Variants in RAB27B observed in about 807,000 individuals in gnomAD.
The protein encoded by RAB27B is ras-related protein Rab-27B.
A neutral mutation model predicts 24.6 loss-of-function variants in RAB27B; 15 were observed. That is an observed-to-expected ratio of 0.61 (90% CI 0.41 to 0.94). The LOEUF (loss-of-function observed/expected upper bound fraction) is 0.94. Ranked by LOEUF, RAB27B falls within the 40% of genes least tolerant of loss-of-function variation. The pLI is 0.00. For missense variants in RAB27B, 261 were observed against 266.8 expected, an observed-to-expected ratio of 0.98 and a Z score of 0.15; for synonymous variants, 105 against 92.5, an observed-to-expected ratio of 1.14 and a Z score of -0.78.
At chr18:54,798,091 T>C (rs1909482724) in intron 2 of RAB27B, among the ~76,000 whole-genome samples, 1 of 152,188 alleles carries the variant, frequency 6.6e-6, no homozygotes, top group Non-Finnish European at 1.5e-5. Flanking sequence ...AACTGACTTC[T>C]CTTTCTTTTT....
intron 2 of RAB27B, among the ~76,000 whole-genome samples, chr18:54,741,688 A>G (rs1910076967): frequency 6.6e-6 from 1 of 151,958 alleles, no homozygotes; most frequent in Non-Finnish European, 1.5e-5. Context: ...TTTTTTGTAG[A>G]GAGAGGGTCT....
At chr18:54,850,328 A>T (rs1426614988) in intron 1 of RAB27B, among the ~76,000 whole-genome samples, 1 of 107,610 alleles carries the variant, frequency 9.3e-6, no homozygotes, top group African/African-American at 3.7e-5. Context: ...AAAGCAAACA[A>T]ACAGGATATA....
At chr18:54,719,436 G>A (rs911650418) in intron 2 of RAB27B, among the ~76,000 whole-genome samples, 2 of 151,942 alleles carry the variant, frequency 1.3e-5, no homozygotes, top group African/African-American at 4.8e-5. Flanking sequence ...ATATAGGTAT[G>A]CTACCTATAC....
At chr18:54,777,398 A>G (rs1374812938) in intron 2 of RAB27B, among the ~76,000 whole-genome samples, 2 of 152,214 alleles carry the variant, frequency 1.3e-5, no homozygotes, top group African/African-American at 4.8e-5. Context: ...CATTGACTTG[A>G]AAACTGATCC....
At chr18:54,767,634 T>G (rs1908406621) in intron 2 of RAB27B, among the ~76,000 whole-genome samples, 1 of 152,218 alleles carries the variant, frequency 6.6e-6, no homozygotes, top group Non-Finnish European at 1.5e-5. Flanking sequence ...TGATGTTGAT[T>G]ATCTTCAGTG....
At chr18:54,742,661 T>C (rs921413234) in intron 2 of RAB27B, among the ~76,000 whole-genome samples, 11 of 152,132 alleles carry the variant, frequency 7.2e-5, no homozygotes, top group African/African-American at 2.7e-4. Flanking sequence ...GAGTGGTAGG[T>C]GTAAGGCAGT....
rs1480376846 is a variant in RAB27B, at chr18:54,895,414, C to G, written c.*6001C>G. On this transcript the variant is annotated 3_prime_UTR_variant, in exon 6 of 6. Coordinates refer to ENST00000262094, the MANE Select transcript of RAB27B (RefSeq NM_004163.4). ...CTAGTGGCTTCAGAAATCATAGCAT[C>G]CAATGATTTTTTGGTGTCTGGCTAT... The G allele has an allele frequency of 6.6e-6, 1 of 152,002 alleles. No individual in the cohort carries two copies. Among genetic ancestry groups the G allele is most frequent in the Non-Finnish European group, 1.5e-5 (1 of 67,978 alleles). The allele number at this position is 152,002 out of a possible 1,614,324, so 9.4% of individuals were successfully genotyped here.
intron 1 of RAB27B, among the ~76,000 whole-genome samples, chr18:54,852,732 T>A (rs1911635728): frequency 6.6e-6 from 1 of 152,214 alleles, no homozygotes; most frequent in Admixed American, 6.5e-5. Context: ...AAGGAAGTAG[T>A]GTCTTTTGCT....
intron 1 of RAB27B, among the ~76,000 whole-genome samples, chr18:54,857,426 A>G (rs1054586871): frequency 6.6e-6 from 1 of 152,238 alleles, no homozygotes; most frequent in Non-Finnish European, 1.5e-5. Context: ...TCATCAAATT[A>G]TCAATAAAAA....
intron 2 of RAB27B, among the ~76,000 whole-genome samples, chr18:54,803,554 AG>A (rs778532385): frequency 2.0e-5 from 3 of 152,238 alleles, no homozygotes; most frequent in Non-Finnish European, 2.9e-5. Flanking sequence ...TTCTGGGTGG[AG>A]GGGGTCAAGA....
At chr18:54,830,425 C>T (rs1026807437) in intron 1 of RAB27B, among the ~76,000 whole-genome samples, 1 of 152,180 alleles carries the variant, frequency 6.6e-6, no homozygotes, top group Admixed American at 6.5e-5. Context: ...TCATATAAAA[C>T]TCATCTCACA....
chr18:54,843,086 G>A (rs1030352981), intron 1 of RAB27B, among the ~76,000 whole-genome samples: 1 of 152,238 alleles, frequency 6.6e-6, no homozygotes, highest in South Asian at 2.1e-4. Flanking sequence ...GTGAGCCACC[G>A]TGCCTGGCCA....
At chr18:54,884,151 C>A (rs1229290030) in intron 3 of RAB27B, among the ~76,000 whole-genome samples, 182 bp from the exon 4 acceptor site, 4 of 151,618 alleles carry the variant, frequency 2.6e-5, no homozygotes, top group Admixed American at 6.6e-5. Flanking sequence ...AAAAAAAAAA[C>A]TACAACCAAA....
At position 54,894,085 on chromosome 18, in the gene RAB27B, T is replaced by A. The variant is rs79903345; in HGVS notation, c.*4672T>A. ...ATAAATTAGATTTATGATATTTTCA[T>A]AAAGCACTTGATTAGTTTTTCAAGG... On this transcript the variant is annotated 3_prime_UTR_variant, in exon 6 of 6. Coordinates refer to ENST00000262094, the MANE Select transcript of RAB27B (RefSeq NM_004163.4). 6.6e-6 allele frequency: 1 copy of A among 151,970 alleles called. No individual in the cohort carries two copies. 9.4% of individuals were successfully genotyped at this position (151,970 alleles called of 1,614,324 possible).
At chr18:54,884,280 G>T (rs1913042271) in intron 3 of RAB27B, 53 bp from the exon 4 acceptor site, 5 of 1,093,242 alleles carry the variant, frequency 4.6e-6, no homozygotes, top group Non-Finnish European at 4.2e-6. Flanking sequence ...TTGTGTTGTT[G>T]TCAAAGATAT....
intron 1 of RAB27B, among the ~76,000 whole-genome samples, chr18:54,850,761 T>C (rs1022256014): frequency 1.3e-5 from 2 of 151,368 alleles, no homozygotes; most frequent in African/African-American, 2.4e-5. Flanking sequence ...CTGATATTTA[T>C]TTTATTAATT....
At chr18:54,738,159 T>G (rs1049652546) in intron 2 of RAB27B, among the ~76,000 whole-genome samples, 1 of 152,216 alleles carries the variant, frequency 6.6e-6, no homozygotes, top group Non-Finnish European at 1.5e-5. Flanking sequence ...TAATCTTGTC[T>G]TTCTGCATAT....
chr18:54,894,599 C>A lies in RAB27B; in HGVS notation c.*5186C>A, dbSNP rs1305764746. The A allele has an allele frequency of 6.6e-6, 1 of 152,036 alleles. No homozygotes were observed. The allele number at this position is 152,036 out of a possible 1,614,324, so 9.4% of individuals were successfully genotyped here. The stretch of plus-strand genomic sequence containing the variant: ...TAGAAAGGAAAGTGGCCAGAAAGAA[C>A]AACTTGGGACCATGAGTAGGTCATT... On this transcript the variant is annotated 3_prime_UTR_variant, in exon 6 of 6. Transcript: ENST00000262094.
Position 54,784,194 on chromosome 18 carries a change from G to A in RAB27B, c.-20+66053G>A, listed in dbSNP as rs568297257. Among the ~76,000 whole-genome samples the A allele has an allele frequency of 2.0e-5, 3 of 152,298 alleles. No individual in the cohort carries two copies. In the South Asian group the frequency reaches 6.2e-4, roughly 32 times the overall value. ...GGAATGAAGGAGAGAGGCTGCTTCC[G>A]ATCCCCAGTTGTAGATTGAACCAAG... On this transcript the variant is annotated intron_variant, in intron 2 of 4. Coordinates refer to the RAB27B transcript ENST00000586570.
Sources: allele counts gnomAD v4.1 joint callset (sites outside exome capture counted in the v4.1 genomes callset), GRCh38; gene constraint gnomAD v4.1.1; transcripts MANE v1.5; gene names NCBI Gene and HGNC (gene_info 2026-07-23, HGNC 2026-07-21).